Variants in RBP7 observed in about 807,000 individuals in gnomAD.
RBP7 encodes the protein retinol binding protein 7, also known as retinoid-binding protein 7.
RBP7 carries 13 observed loss-of-function variants against 16.7 expected under a neutral mutation model. The ratio of observed to expected loss-of-function variants is 0.78; its 90% confidence interval spans 0.51 to 1.24. The LOEUF (loss-of-function observed/expected upper bound fraction) is 1.24. RBP7 is among the 50% of genes most tolerant of loss of function. The pLI is 0.00. For synonymous variants in RBP7, 54 were observed against 56.2 expected (o/e 0.96, Z 0.17); for missense variants, 145 against 159.5 (o/e 0.91, Z 0.49).
intron 1 of RBP7, among the ~76,000 whole-genome samples, chr1:10,001,921 C>A (rs547314975): frequency 6.6e-5 from 10 of 151,934 alleles, no homozygotes; most frequent in Non-Finnish European, 1.0e-4. Context: ...CTCCGTCTCC[C>A]GGGTTCAAGC....
In RBP7 at chr1:9,997,346, A is replaced by AGGC. The variant is rs751922350; in HGVS notation, c.73+26_73+28dup. The AGGC allele has an allele frequency of 3.1e-6, 5 of 1,608,292 alleles. No homozygotes were observed. Among genetic ancestry groups the AGGC allele is most frequent in the African/African-American group, 2.7e-5 (2 of 74,250 alleles). On this transcript the variant is annotated intron_variant, in intron 1 of 3. Transcript: ENST00000294435. The surrounding 1 kb of genome is among the most constrained non-coding windows in gnomAD (Gnocchi z 5.9). ...GCTGGCCCTAGGTAAGGCGGAGGGG[A>AGGC]GGCGGCGGCGGCGCGAGGCTCGCCG...
rs993919214 is a variant in RBP7, at chr1:9,997,904, C to G, written c.73+573C>G. On this transcript the variant is annotated intron_variant, in intron 1 of 3. Transcript: ENST00000294435. This position sits in a 1 kb window ranked among gnomAD's most constrained non-coding sequence, Gnocchi z 5.9. ...GAGCCAGCGGACGACCCTTCAGGTCCGGGCACCCGCGGGAGTGCAGAGCCT... is the reference window on the plus strand; with the variant it reads ...GAGCCAGCGGACGACCCTTCAGGTCGGGGCACCCGCGGGAGTGCAGAGCCT... 2.6e-5 allele frequency among the ~76,000 whole-genome samples: 4 copies of G among 152,110 alleles called. No homozygotes were observed. The highest frequency in any genetic ancestry group is 9.7e-5 in the African/African-American group (4 of 41,444).
chr1:10,009,504 T>C (rs898827427), intron 3 of RBP7, among the ~76,000 whole-genome samples: 1 of 150,358 alleles, frequency 6.7e-6, no homozygotes, highest in African/African-American at 2.5e-5. Flanking sequence ...ACACCCAAGC[T>C]GAAAAGTTAA....
intron 3 of RBP7, among the ~76,000 whole-genome samples, chr1:10,014,851 G>A (rs775503469): frequency 2.0e-5 from 3 of 152,154 alleles, no homozygotes; most frequent in Admixed American, 1.3e-4. Context: ...CCAAATTTGC[G>A]ACAGGTGTCT....
chr1:9,997,343 G>T lies in RBP7; in HGVS notation c.73+12G>T. On this transcript the variant is annotated intron_variant, in intron 1 of 3. Transcript: ENST00000294435. This position sits in a 1 kb window ranked among gnomAD's most constrained non-coding sequence, Gnocchi z 5.9. ...CATGCTGGCCCTAGGTAAGGCGGAG[G>T]GGAGGCGGCGGCGGCGCGAGGCTCG... The T allele has an allele frequency of 6.2e-7, 1 of 1,609,390 alleles. No homozygotes were observed. Among genetic ancestry groups the T allele is most frequent in the South Asian group, 1.1e-5 (1 of 90,638 alleles).
At chr1:10,004,687 A>G (rs1476892894) in intron 1 of RBP7, among the ~76,000 whole-genome samples, 1 of 152,238 alleles carries the variant, frequency 6.6e-6, no homozygotes, top group Non-Finnish European at 1.5e-5. Context: ...GCGTAACTCT[A>G]AACTCATTGT....
At chr1:10,012,029 C>T (rs1249862550) in intron 3 of RBP7, among the ~76,000 whole-genome samples, 2 of 151,606 alleles carry the variant, frequency 1.3e-5, no homozygotes, top group Non-Finnish European at 2.9e-5. Context: ...TGGAGAAACT[C>T]CCGTCTCTAC....
intron 1 of RBP7, among the ~76,000 whole-genome samples, chr1:10,003,164 C>T (rs1011706930): frequency 3.3e-5 from 5 of 152,124 alleles, no homozygotes; most frequent in African/African-American, 9.7e-5. Flanking sequence ...TGGTGGCTCA[C>T]GCCTGTAATC....
At chr1:10,009,751 C>T (rs942639058) in intron 3 of RBP7, among the ~76,000 whole-genome samples, 8 of 151,962 alleles carry the variant, frequency 5.3e-5, no homozygotes, top group African/African-American at 1.2e-4. Context: ...AGGCTGGTCT[C>T]GAACTCCTGA....
intron 3 of RBP7, among the ~76,000 whole-genome samples, chr1:10,008,716 G>A (rs1451865412): frequency 6.6e-6 from 1 of 151,750 alleles, no homozygotes; most frequent in Non-Finnish European, 1.5e-5. Context: ...TGGGATTACA[G>A]GCATGAGCCA....
intron 3 of RBP7, among the ~76,000 whole-genome samples, chr1:10,011,037 G>T (rs1429678307): frequency 6.6e-6 from 1 of 152,006 alleles, no homozygotes; most frequent in Admixed American, 6.6e-5. Context: ...AGAAAACAAA[G>T]AAATTTCGCA....
rs1248634942 is a variant in RBP7, at chr1:9,998,414, T to C, written c.73+1083T>C. Among the ~76,000 whole-genome samples the C allele has an allele frequency of 4.6e-3, 668 of 145,338 alleles. 18 individuals carry two copies. Among genetic ancestry groups the C allele is most frequent in the Admixed American group, 0.033 (476 of 14,582 alleles). On this transcript the variant is annotated intron_variant, in intron 1 of 3. Transcript: ENST00000294435. ...TTCTTTCTTTCTTTCTTTCTTTTTTTTTTTTTTTTTTGAGACGGAGTCTCG... is the reference window on the plus strand; with the variant it reads ...TTCTTTCTTTCTTTCTTTCTTTTTTCTTTTTTTTTTTGAGACGGAGTCTCG...
At chr1:10,009,519 TTA>T (rs1303476341) in intron 3 of RBP7, among the ~76,000 whole-genome samples, 2 of 138,604 alleles carry the variant, frequency 1.4e-5, no homozygotes, top group African/African-American at 6.4e-5. Context: ...AGTTAATGTC[TTA>T]TTTTTTTTTT....
At chr1:10,004,620 G>A (rs1642385163) in intron 1 of RBP7, among the ~76,000 whole-genome samples, 1 of 152,038 alleles carries the variant, frequency 6.6e-6, no homozygotes, top group African/African-American at 2.4e-5. Flanking sequence ...TCGGCCTCCC[G>A]AAGTGCTGGG....
At chr1:9,999,814 CTTTTT>C (rs70998341) in intron 1 of RBP7, among the ~76,000 whole-genome samples, 2,290 of 105,890 alleles carry the variant, frequency 0.022, 31 homozygotes, top group Non-Finnish European at 0.037. Flanking sequence ...CTGTAATACT[CTTTTT>C]TTTTTTTTTT....
chr1:10,011,754 G>A (rs933536683), intron 3 of RBP7, among the ~76,000 whole-genome samples: 2 of 151,986 alleles, frequency 1.3e-5, no homozygotes, highest in African/African-American at 2.4e-5. Flanking sequence ...CTCTTCTGAC[G>A]ATAAAAAAGT....
chr1:10,011,882 C>T (rs1003427663), intron 3 of RBP7, among the ~76,000 whole-genome samples: 3 of 151,956 alleles, frequency 2.0e-5, no homozygotes, highest in Non-Finnish European at 4.4e-5. Flanking sequence ...CATGATGAAA[C>T]CCCATCTCTA....
intron 1 of RBP7, among the ~76,000 whole-genome samples, chr1:10,003,127 C>T (rs1642325618): frequency 6.6e-6 from 1 of 152,140 alleles, no homozygotes; most frequent in Non-Finnish European, 1.5e-5. Flanking sequence ...CTAGAAATGT[C>T]TGCATAAACC....
In RBP7 at chr1:10,008,675, A is replaced by C. The variant is rs556434815; in HGVS notation, c.354+401A>C. Among the ~76,000 whole-genome samples the C allele has an allele frequency of 5.3e-5, 8 of 151,246 alleles. 1 individual carries two copies. In the East Asian group the frequency reaches 1.6e-3, roughly 30 times the overall value. On this transcript the variant is annotated intron_variant, in intron 3 of 3. Coordinates refer to ENST00000294435, the MANE Select transcript of RBP7 (RefSeq NM_052960.3). ...AGGATGGTCTCGATCTCTTGACCTC[A>C]TGATCCACCCGCCTCGGCCTCCCAA... is the stretch of plus-strand genomic sequence containing the variant.
Sources: allele counts gnomAD v4.1 joint callset (sites outside exome capture counted in the v4.1 genomes callset), GRCh38; gene constraint gnomAD v4.1.1; non-coding constraint Gnocchi (gnomAD v3.1); transcripts MANE v1.5; gene names NCBI Gene and HGNC (gene_info 2026-07-23, HGNC 2026-07-21).